The following SYNDIG1L variants were observed in gnomAD, a reference collection of about 807,000 sequenced individuals.
SYNDIG1L encodes synapse differentiation inducing 1 like.
In SYNDIG1L, 13 loss-of-function variants were observed where a neutral mutation model predicts 20.1. The ratio of observed to expected loss-of-function variants is 0.65; its 90% CI spans 0.42 to 1.03. The LOEUF (loss-of-function observed/expected upper bound fraction) is 1.03. SYNDIG1L is among the 50% of genes least tolerant of loss of function. The pLI, the probability that SYNDIG1L is intolerant of heterozygous loss-of-function variation, is 0.00. For missense variants in SYNDIG1L, 294 were observed against 305.1 expected, an observed-to-expected ratio of 0.96 and a Z score of 0.27; for synonymous variants, 128 against 129.3, an observed-to-expected ratio of 0.99 and a Z score of 0.07.
the SYNDIG1L span, among the ~76,000 whole-genome samples, chr14:74,438,617 G>A: frequency 6.6e-6 from 1 of 152,070 alleles, no homozygotes; most frequent in African/African-American, 2.4e-5. Flanking sequence ...AAATTAAAAG[G>A]CCATTAGCCC....
At chr14:74,456,803 G>A in the SYNDIG1L span, among the ~76,000 whole-genome samples, 2 of 152,038 alleles carry the variant, frequency 1.3e-5, no homozygotes, top group African/African-American at 4.8e-5. Flanking sequence ...GGCCACCTTG[G>A]CTCTCGGCGG....
chr14:74,442,712 A>G, the SYNDIG1L span, among the ~76,000 whole-genome samples: 2 of 152,244 alleles, frequency 1.3e-5, no homozygotes, highest in African/African-American at 4.8e-5. Flanking sequence ...ACTACGGTTC[A>G]AATGAAATAA....
At chr14:74,433,294 C>T in the SYNDIG1L span, among the ~76,000 whole-genome samples, 1 of 152,140 alleles carries the variant, frequency 6.6e-6, no homozygotes, top group South Asian at 2.1e-4. Context: ...AAGTTCACTA[C>T]TGGGAAACCA....
chr14:74,429,016 T>A (rs2086285566), upstream of SYNDIG1L, among the ~76,000 whole-genome samples: 1 of 152,180 alleles, frequency 6.6e-6, no homozygotes, highest in African/African-American at 2.4e-5. Context: ...AGCCCCTCAG[T>A]TTCTAGGCAC....
chr14:74,467,829 G>A, the SYNDIG1L span, among the ~76,000 whole-genome samples: 1 of 152,158 alleles, frequency 6.6e-6, no homozygotes, highest in Non-Finnish European at 1.5e-5. Flanking sequence ...GGAGACTCCA[G>A]GCAGACACAG....
chr14:74,429,391 G>T (rs1180132080), upstream of SYNDIG1L, among the ~76,000 whole-genome samples: 1 of 152,188 alleles, frequency 6.6e-6, no homozygotes, highest in Admixed American at 6.5e-5. Flanking sequence ...TCCCACCTGG[G>T]GACTTCCCTT....
chr14:74,422,718 C>CTT (rs59543139), intron 1 of SYNDIG1L, among the ~76,000 whole-genome samples: 1 of 141,406 alleles, frequency 7.1e-6, no homozygotes, highest in Non-Finnish European at 1.5e-5. Context: ...TCCTTTCTCT[C>CTT]TTTTTTTTTT....
the SYNDIG1L span, among the ~76,000 whole-genome samples, chr14:74,471,173 C>T: frequency 3.7e-3 from 569 of 152,318 alleles, 3 homozygotes; most frequent in Middle Eastern, 0.017. Flanking sequence ...ACCTCCCTCA[C>T]GATTCCATCC....
the SYNDIG1L span, among the ~76,000 whole-genome samples, chr14:74,436,146 A>G: frequency 6.6e-6 from 1 of 152,268 alleles, no homozygotes; most frequent in African/African-American, 2.4e-5. Flanking sequence ...ATATATGTAC[A>G]AAGAGATAAC....
the SYNDIG1L span, among the ~76,000 whole-genome samples, chr14:74,477,933 C>G: frequency 2.6e-5 from 4 of 152,198 alleles, no homozygotes; most frequent in Admixed American, 6.5e-5. Flanking sequence ...TAGAAGACGA[C>G]CTTTCAAACT....
chr14:74,408,075 C>T, intron 2 of SYNDIG1L, 86 bp from the exon 3 acceptor site: 1 of 1,461,680 alleles, frequency 6.8e-7, no homozygotes, highest in African/African-American at 1.4e-5. Context: ...AGGCAATGCC[C>T]AGTGGCCAGT....
At chr14:74,418,598 C>A (rs1170059022) in intron 1 of SYNDIG1L, among the ~76,000 whole-genome samples, 2 of 152,210 alleles carry the variant, frequency 1.3e-5, no homozygotes, top group African/African-American at 4.8e-5. Flanking sequence ...GCAACTGCTT[C>A]AACCACAGAG....
the SYNDIG1L span, among the ~76,000 whole-genome samples, chr14:74,464,507 T>C: frequency 2.6e-5 from 4 of 152,182 alleles, no homozygotes; most frequent in Admixed American, 6.5e-5. Context: ...CTTAACTAAT[T>C]GACCTAGGGA....
At chr14:74,476,902 A>C in the SYNDIG1L span, among the ~76,000 whole-genome samples, 1 of 152,160 alleles carries the variant, frequency 6.6e-6, no homozygotes, top group African/African-American at 2.4e-5. Flanking sequence ...TAGGCTGAGG[A>C]ATTCTCTTCA....
the SYNDIG1L span, among the ~76,000 whole-genome samples, chr14:74,447,913 A>G: frequency 6.6e-6 from 1 of 152,188 alleles, no homozygotes; most frequent in Non-Finnish European, 1.5e-5. Flanking sequence ...CTTATACTCT[A>G]TGTAAAGTGG....
At chr14:74,452,423 A>G in the SYNDIG1L span, among the ~76,000 whole-genome samples, 1 of 152,200 alleles carries the variant, frequency 6.6e-6, no homozygotes, top group African/African-American at 2.4e-5. Context: ...GCATGATAGT[A>G]TATGAGTTCT....
the SYNDIG1L span, among the ~76,000 whole-genome samples, chr14:74,444,511 G>GA: frequency 1.3e-5 from 2 of 151,916 alleles, no homozygotes; most frequent in South Asian, 4.2e-4. Flanking sequence ...AGCACTTTGG[G>GA]AGGCCGAGAT....
chr14:74,441,349 G>A, the SYNDIG1L span, among the ~76,000 whole-genome samples: 1 of 152,176 alleles, frequency 6.6e-6, no homozygotes, highest in African/African-American at 2.4e-5. Context: ...CTCGGACACT[G>A]AGCTCCTGCC....
chr14:74,451,829 A>G, the SYNDIG1L span, among the ~76,000 whole-genome samples: 1 of 152,072 alleles, frequency 6.6e-6, no homozygotes, highest in African/African-American at 2.4e-5. Flanking sequence ...GTCTCTACTA[A>G]AAATACAAAA....
Sources: gnomAD v4.1 joint callset for allele counts (sites outside exome capture counted in the v4.1 genomes callset) on GRCh38, gnomAD v4.1.1 for gene constraint, MANE v1.5 for transcripts, NCBI Gene and HGNC (gene_info 2026-07-23, HGNC 2026-07-21) for gene names.